Variants in LINS1 observed in about 807,000 individuals in gnomAD.
LINS1 encodes protein Lines homolog 1.
LINS1 carries 27 observed loss-of-function variants against 41.6 expected under a neutral mutation model. The ratio of observed to expected loss-of-function variants is 0.65; its 90% CI spans 0.48 to 0.89. The LOEUF is 0.89. LINS1 is among the 40% of genes least tolerant of loss of function. The pLI is 0.00. For missense variants in LINS1, 955 were observed against 884.1 expected (o/e 1.08, Z -1.02); for synonymous variants, 336 against 312.9 (o/e 1.07, Z -0.78).
At chr15:100,589,683 T>A (rs530767093) in intron 1 of LINS1, among the ~76,000 whole-genome samples, 6 of 152,192 alleles carry the variant, frequency 3.9e-5, no homozygotes, top group Non-Finnish European at 7.3e-5. Context: ...AAATACTTTA[T>A]AGCCAATGTT....
intron 1 of LINS1, among the ~76,000 whole-genome samples, chr15:100,586,774 ATAT>A (rs1390242223): frequency 6.6e-6 from 1 of 152,190 alleles, no homozygotes; most frequent in Non-Finnish European, 1.5e-5. Context: ...ATATAATAAA[ATAT>A]TATTTAAAAC....
intron 1 of LINS1, among the ~76,000 whole-genome samples, chr15:100,597,316 C>CA (rs1484798012): frequency 2.0e-5 from 3 of 150,580 alleles, no homozygotes; most frequent in Non-Finnish European, 4.4e-5. Context: ...ACATTAGAAT[C>CA]ATAACGTGTT....
chr15:100,601,715 G>C (rs1042291277), intron 1 of LINS1, among the ~76,000 whole-genome samples: 1 of 152,082 alleles, frequency 6.6e-6, no homozygotes, highest in African/African-American at 2.4e-5. Context: ...ACAGTGGCCA[G>C]TAAACACTTG....
intron 3 of LINS1, among the ~76,000 whole-genome samples, chr15:100,578,373 C>T (rs2038318365): frequency 6.6e-6 from 1 of 152,038 alleles, no homozygotes; most frequent in African/African-American, 2.4e-5. Context: ...AGGATATGAA[C>T]AGACACTTCT....
intron 1 of LINS1, among the ~76,000 whole-genome samples, chr15:100,595,860 T>C (rs575130902): frequency 1.8e-4 from 27 of 152,334 alleles, no homozygotes; most frequent in South Asian, 1.7e-3. Context: ...GTCGCGGAAG[T>C]TGAGGCCTCC....
chr15:100,567,913 C>T lies in LINS1; in HGVS notation c.*1325G>A, dbSNP rs2037613071. The T allele has an allele frequency of 6.6e-6, 1 of 151,962 alleles. No homozygotes were observed. The highest frequency in any genetic ancestry group is 1.5e-5 in the Non-Finnish European group (1 of 68,022). 9.4% of individuals were successfully genotyped at this position (151,962 alleles called of 1,614,324 possible). A position where few individuals can be genotyped will look rare whatever the true frequency, so the allele number is the denominator to read the frequency against. ...ACTAAACTGTTTCGAATACCATAGCCTTAATATATATTTTAATGTGCGGTA... is the reference window on the plus strand; with the variant it reads ...ACTAAACTGTTTCGAATACCATAGCTTTAATATATATTTTAATGTGCGGTA... On this transcript the variant is annotated 3_prime_UTR_variant, in exon 7 of 7. Coordinates refer to ENST00000314742, the MANE Select transcript of LINS1 (RefSeq NM_001040616.3).
chr15:100,600,943 C>A (rs1308165713), intron 1 of LINS1, among the ~76,000 whole-genome samples: 1 of 152,170 alleles, frequency 6.6e-6, no homozygotes, highest in Admixed American at 6.5e-5. Context: ...TGACTCTCGG[C>A]GTCTTCTCAT....
intron 1 of LINS1, among the ~76,000 whole-genome samples, chr15:100,598,764 A>T (rs1399726753): frequency 1.3e-5 from 2 of 152,230 alleles, no homozygotes; most frequent in Non-Finnish European, 2.9e-5. Context: ...GATGGGCTCC[A>T]AACTGTGCTG....
At chr15:100,585,196 C>T (rs985850800) in intron 1 of LINS1, among the ~76,000 whole-genome samples, 5 of 152,210 alleles carry the variant, frequency 3.3e-5, no homozygotes, top group African/African-American at 1.2e-4. Context: ...ACGTCTGACA[C>T]TCTAAGATTG....
intron 1 of LINS1, among the ~76,000 whole-genome samples, chr15:100,584,855 T>A (rs1296708407): frequency 1.3e-5 from 2 of 152,264 alleles, no homozygotes; most frequent in Admixed American, 1.3e-4. Flanking sequence ...CAACTGGCTC[T>A]AAATTGGAGT....
At chr15:100,585,009 CAGTTCATGGCTGTCACTCT>C (rs2038736759) in intron 1 of LINS1, among the ~76,000 whole-genome samples, 1 of 152,236 alleles carries the variant, frequency 6.6e-6, no homozygotes, top group African/African-American at 2.4e-5. Flanking sequence ...CCTGTCATTA[CAGTTCATGGCTGTCACTCT>C]AGTGGAATGA....
chr15:100,580,557 T>C lies in LINS1; in HGVS notation c.286A>G (p.Ile96Val), dbSNP rs142913026. The part of the protein sequence containing the change: ...REVMLLQLTV[I>V]KVMTTRILSV... ...AATATCCGGGTTGTCATCACTTTGA[T>C]CACTGTTAACTGAAGGAGCATTACT... The change falls in exon 2 of 7, where the codon ATC (isoleucine) becomes GTC (valine). Residue 96 changes from isoleucine to valine, a missense_variant. Transcript: ENST00000314742. 5 of 1,614,054 alleles carry C rather than the reference T, an allele frequency of 3.1e-6. 1 individual carries two copies. The highest frequency in any genetic ancestry group is 3.3e-4 in the Middle Eastern group (2 of 6,060).
chr15:100,568,326 G>GA lies in LINS1; in HGVS notation c.*911dup, dbSNP rs1180120270. On this transcript the variant is annotated 3_prime_UTR_variant, in exon 7 of 7. Coordinates refer to ENST00000314742, the MANE Select transcript of LINS1 (RefSeq NM_001040616.3). The stretch of plus-strand genomic sequence containing the variant: ...GGATTCAAGTCCATCAAGGACACAT[G>GA]AAAGTGGCCATATCTGGGATTAGGG... The GA allele has an allele frequency of 1.3e-5, 2 of 152,230 alleles. No individual in the cohort carries two copies. The highest frequency in any genetic ancestry group is 2.9e-5 in the Non-Finnish European group (2 of 68,052). The allele number at this position is 152,230 out of a possible 1,614,324, so 9.4% of individuals were successfully genotyped here.
rs192625289 is a variant in LINS1, at chr15:100,584,808, A to G, written c.-103-3863T>C. 1.8e-3 allele frequency among the ~76,000 whole-genome samples: 275 copies of G among 152,336 alleles called. 3 individuals carry two copies. The highest frequency in any genetic ancestry group is 6.1e-3 in the African/African-American group (254 of 41,584). On this transcript the variant is annotated intron_variant, in intron 1 of 6. Transcript: ENST00000314742. ...AGACTGAGCCACAATTCAAATGCCAACTGCAAGCCCCAGGATGTTCCACCT... is the reference window on the plus strand; with the variant it reads ...AGACTGAGCCACAATTCAAATGCCAGCTGCAAGCCCCAGGATGTTCCACCT...
At position 100,596,592 on chromosome 15, in the gene LINS1, G is replaced by A. The variant is rs139043375; in HGVS notation, c.-104+5529C>T. On this transcript the variant is annotated intron_variant, in intron 1 of 6. Coordinates refer to ENST00000314742, the MANE Select transcript of LINS1 (RefSeq NM_001040616.3). ...TTATTTAGACAGATAGTGAGGGTAA[G>A]AGAGTCCTCGGCAAGGTTTCCCTTT... 9.3e-3 allele frequency among the ~76,000 whole-genome samples: 1,417 copies of A among 152,362 alleles called. 9 individuals carry two copies. Among genetic ancestry groups the A allele is most frequent in the Non-Finnish European group, 0.014 (959 of 68,032 alleles).
intron 1 of LINS1, among the ~76,000 whole-genome samples, chr15:100,596,126 C>T (rs531159526): frequency 6.6e-6 from 1 of 152,324 alleles, no homozygotes; most frequent in African/African-American, 2.4e-5. Flanking sequence ...CTTTCAAGCT[C>T]CAGGAACTGC....
intron 1 of LINS1, among the ~76,000 whole-genome samples, chr15:100,594,198 G>A (rs377500941): frequency 7.2e-5 from 11 of 152,096 alleles, no homozygotes; most frequent in Admixed American, 6.5e-4. Context: ...GTTTTGATTT[G>A]TATTATTTTT....
intron 3 of LINS1, among the ~76,000 whole-genome samples, chr15:100,577,866 G>A (rs1441425167): frequency 6.6e-6 from 1 of 152,072 alleles, no homozygotes; most frequent in East Asian, 1.9e-4. Context: ...CAGAAATAAT[G>A]CCACACATCT....
rs191271061 is a variant in LINS1 at position 100,601,871 on chromosome 15, A to T, written c.-104+250T>A. Among the ~76,000 whole-genome samples, 375 of 152,222 alleles carry T rather than the reference A, an allele frequency of 2.5e-3. 3 individuals carry two copies. Among genetic ancestry groups the T allele is most frequent in the Non-Finnish European group, 2.2e-3 (153 of 68,022 alleles). On this transcript the variant is annotated intron_variant, in intron 1 of 6. Coordinates refer to ENST00000314742, the MANE Select transcript of LINS1 (RefSeq NM_001040616.3). ...GGATCGTCATCGCTATCCCAAAGAG[A>T]GTCCGTTCTCCCACTTCAGGCGAGG...
Sources: allele counts gnomAD v4.1 joint callset (sites outside exome capture counted in the v4.1 genomes callset), GRCh38; gene constraint gnomAD v4.1.1; transcripts MANE v1.5; gene names NCBI Gene and HGNC (gene_info 2026-07-23, HGNC 2026-07-21).